NR2C2: variants seen among roughly 807,000 people sequenced by gnomAD.
The protein encoded by NR2C2 is Nuclear hormone receptor TR4.
NR2C2 carries 6 observed loss-of-function variants against 62.9 expected under a neutral mutation model. That is an observed-to-expected ratio of 0.10 (90% CI 0.05 to 0.19). NR2C2 has a LOEUF of 0.19. Ranked by LOEUF, NR2C2 falls within the 10% of genes least tolerant of loss-of-function variation. The probability of loss-of-function intolerance (pLI) is 1.00; values close to 1 mark genes in which losing one functional copy is unlikely to be tolerated. For missense variants in NR2C2, 479 were observed against 762.7 expected (o/e 0.63, Z 4.38); for synonymous variants, 272 against 273.8 (o/e 0.99, Z 0.07).
At position 15,004,450 on chromosome 3, in the gene NR2C2, G is replaced by A. The variant is rs1574990714; in HGVS notation, c.72+464G>A. 7 of 1,145,808 alleles carry A rather than the reference G, an allele frequency of 6.1e-6. No individual in the cohort carries two copies. In the South Asian group the frequency reaches 7.8e-5, roughly 13 times the overall value. 71.0% of individuals were successfully genotyped at this position (1,145,808 alleles called of 1,614,324 possible). A position where few individuals can be genotyped will look rare whatever the true frequency, so the allele number is the denominator to read the frequency against. ...TATTGCTTATAAAGTGCTTAGAATGGTACCTGGCACATAATAATGTTCAAT... is the reference window on the plus strand; with the variant it reads ...TATTGCTTATAAAGTGCTTAGAATGATACCTGGCACATAATAATGTTCAAT... On this transcript the variant is annotated intron_variant, in intron 2 of 13. Coordinates refer to ENST00000425241, the MANE Select transcript of NR2C2 (RefSeq NM_001291694.2).
intron 1 of NR2C2, among the ~76,000 whole-genome samples, chr3:14,967,890 G>T (rs2039905473): frequency 6.6e-6 from 1 of 152,042 alleles, no homozygotes; most frequent in Non-Finnish European, 1.5e-5. Context: ...AATGGGGAAA[G>T]GATTCCCTAT....
chr3:14,970,048 A>G (rs927645340), intron 1 of NR2C2, among the ~76,000 whole-genome samples: 1 of 152,190 alleles, frequency 6.6e-6, no homozygotes, highest in Non-Finnish European at 1.5e-5. Flanking sequence ...TTTTCTTGTC[A>G]AAGTAGTACA....
intron 1 of NR2C2, among the ~76,000 whole-genome samples, chr3:14,965,846 G>A (rs571936979): frequency 6.6e-6 from 1 of 151,966 alleles, no homozygotes; most frequent in Non-Finnish European, 1.5e-5. Context: ...TGTATTTGTC[G>A]TAGAGACAGG....
chr3:14,978,855 T>A (rs1006212038), intron 1 of NR2C2, among the ~76,000 whole-genome samples: 3 of 152,166 alleles, frequency 2.0e-5, no homozygotes, highest in African/African-American at 7.2e-5. Context: ...CTATACCTCC[T>A]TTTTTCTGCA....
Position 15,030,353 on chromosome 3 carries a change from C to G in NR2C2, c.1011C>G (p.Thr337=). 6.2e-7 allele frequency: 1 copy of G among 1,613,428 alleles called. No homozygotes were observed. The change falls in exon 9 of 14, where the codon ACC becomes ACG. Residue 337 remains threonine (T), a synonymous_variant. Coordinates refer to ENST00000425241, the MANE Select transcript of NR2C2 (RefSeq NM_001291694.2). The part of the protein sequence containing the change: ...SSPSLADGID[T]SGGGSIHVIS... ...CAAGCTTGGCAGATGGGATAGACACCAGTGGAGGAGGGAGCATCCACGTCA... is the reference window on the plus strand; with the variant it reads ...CAAGCTTGGCAGATGGGATAGACACGAGTGGAGGAGGGAGCATCCACGTCA...
intron 1 of NR2C2, among the ~76,000 whole-genome samples, chr3:14,979,049 T>G (rs1467381215): frequency 6.6e-6 from 1 of 152,222 alleles, no homozygotes; most frequent in Non-Finnish European, 1.5e-5. Context: ...TTTGGGGCTT[T>G]GTCCATTTTC....
intron 2 of NR2C2, 69 bp from the exon 3 acceptor site, chr3:15,013,520 G>T: frequency 7.0e-7 from 1 of 1,428,656 alleles, no homozygotes; most frequent in South Asian, 1.2e-5. Flanking sequence ...TCACCACTTT[G>T]AGCACCACCT....
In NR2C2 at chr3:15,049,062, T is replaced by C. The variant is rs768668248; in HGVS notation, c.*6054T>C. Reference sequence around the variant, plus strand: ...TGTTTATGTGATGGCATTTAAAAAATAGCATGTTCTTTTTAAACTGAATTT... The same window carrying C: ...TGTTTATGTGATGGCATTTAAAAAACAGCATGTTCTTTTTAAACTGAATTT... On this transcript the variant is annotated 3_prime_UTR_variant, in exon 14 of 14. Transcript: ENST00000425241. 5 of 152,660 alleles carry C rather than the reference T, an allele frequency of 3.3e-5. No homozygotes were observed. Among genetic ancestry groups the C allele is most frequent in the Non-Finnish European group, 7.3e-5 (5 of 68,030 alleles). The allele number at this position is 152,660 out of a possible 1,614,324, so 9.5% of individuals were successfully genotyped here.
intron 10 of NR2C2, 129 bp downstream of exon 10, chr3:15,032,629 T>G (rs937431795): frequency 4.5e-6 from 5 of 1,104,114 alleles, no homozygotes; most frequent in Non-Finnish European, 6.5e-6. Flanking sequence ...GACCCTGAGT[T>G]TTTTATTAAA....
chr3:14,948,838 CT>C (rs2039242555), intron 1 of NR2C2: 1 of 152,214 alleles, frequency 6.6e-6, no homozygotes, highest in Non-Finnish European at 1.5e-5. Flanking sequence ...GGCGAATCCC[CT>C]AATGAGGCTC....
intron 1 of NR2C2, among the ~76,000 whole-genome samples, chr3:14,991,648 G>A (rs1194803078): frequency 1.3e-5 from 2 of 151,068 alleles, no homozygotes; most frequent in East Asian, 3.9e-4. Flanking sequence ...GAGAATTTTT[G>A]TAGCCAAAAT....
intron 5 of NR2C2, among the ~76,000 whole-genome samples, chr3:15,022,735 G>C (rs2041708644): frequency 6.6e-6 from 1 of 152,114 alleles, no homozygotes; most frequent in South Asian, 2.1e-4. Context: ...GCAGCATGAA[G>C]TAAAAACCAG....
chr3:15,006,692 C>T (rs1427587363), intron 2 of NR2C2, among the ~76,000 whole-genome samples: 2 of 152,104 alleles, frequency 1.3e-5, no homozygotes, highest in African/African-American at 4.8e-5. Flanking sequence ...AACTGTTCCT[C>T]CCAGGGCTTT....
chr3:15,015,494 CTT>C (rs1202265114), intron 3 of NR2C2, among the ~76,000 whole-genome samples: 7 of 152,190 alleles, frequency 4.6e-5, no homozygotes, highest in African/African-American at 1.4e-4. Context: ...CAATACACCT[CTT>C]TGCGTACATT....
At chr3:15,025,858 G>T (rs2041808817) in intron 7 of NR2C2, 1 of 152,050 alleles carries the variant, frequency 6.6e-6, no homozygotes, top group Admixed American at 6.5e-5. Flanking sequence ...TGTTAATGAG[G>T]ATCTTACAGT....
At position 15,030,364 on chromosome 3, in the gene NR2C2, G is replaced by A. The variant is rs1003755380; in HGVS notation, c.1022G>A (p.Gly341Glu). The A allele has an allele frequency of 2.5e-6, 4 of 1,613,336 alleles. No homozygotes were observed. In the African/African-American group the frequency reaches 5.3e-5, roughly 22 times the overall value. Residue 341 changes from glycine (G) to glutamate (E), a missense_variant, in exon 9 of 14, where the codon GGG (glycine) becomes GAG (glutamate). Gly to Glu is a moderately conservative substitution (Grantham distance 98). This residue lies in a region of NR2C2 where 151 missense variants were observed against 176.1 expected (regional missense o/e 0.86). Coordinates refer to ENST00000425241, the MANE Select transcript of NR2C2 (RefSeq NM_001291694.2). ...LADGIDTSGG[G>E]SIHVISRDQS... is the part of the protein sequence containing the mutation. ...GATGGGATAGACACCAGTGGAGGAG[G>A]GAGCATCCACGTCATCAGCAGAGAC...
intron 1 of NR2C2, among the ~76,000 whole-genome samples, chr3:15,000,761 G>C (rs1478682053): frequency 6.6e-6 from 1 of 151,122 alleles, no homozygotes; most frequent in Non-Finnish European, 1.5e-5. Flanking sequence ...TCAATTTGGG[G>C]AATATCACCA....
rs551130943 is a variant in NR2C2, at chr3:14,994,504, G to A, written c.-39-9372G>A. On this transcript the variant is annotated intron_variant, in intron 1 of 13. Transcript: ENST00000425241. ...TGTCGCCAGGCTGGAGTGCAGTGGT[G>A]CAATCTCAGCTCACTGCAACCTCTG... 2.9e-5 allele frequency among the ~76,000 whole-genome samples: 4 copies of A among 139,998 alleles called. No individual in the cohort carries two copies. The East Asian group carries it at 8.4e-4, about 29-fold the overall frequency. The allele number at this position is 139,998 out of a possible 152,430, so 91.8% of individuals were successfully genotyped here.
chr3:14,977,402 GCTT>G (rs1292215711), intron 1 of NR2C2, among the ~76,000 whole-genome samples: 2 of 152,090 alleles, frequency 1.3e-5, no homozygotes. Context: ...GGCTGTTATT[GCTT>G]CTTCAATTTT....
Sources: gnomAD v4.1 joint callset for allele counts (sites outside exome capture counted in the v4.1 genomes callset) on GRCh38, gnomAD v4.1.1 for gene constraint, gnomAD v4.1.1 regional missense constraint, MANE v1.5 for transcripts, NCBI Gene and HGNC (gene_info 2026-07-23, HGNC 2026-07-21) for gene names.